LRRC4C: variants seen among roughly 807,000 people sequenced by gnomAD.
The protein encoded by LRRC4C is leucine-rich repeat-containing protein 4C.
Under a neutral mutation model 33.6 loss-of-function variants are expected in LRRC4C, and 5 were observed. That is an observed-to-expected ratio of 0.15 (90% CI 0.08 to 0.31). LRRC4C has a LOEUF of 0.31. Among genes scored for constraint, LRRC4C ranks in the 10% least tolerant of loss-of-function variants. The pLI is 1.00. For missense variants in LRRC4C, 560 were observed against 796.7 expected, an observed-to-expected ratio of 0.70 and a Z score of 3.58; for synonymous variants, 329 against 302.0, an observed-to-expected ratio of 1.09 and a Z score of -0.93.
chr11:40,349,044 A>G lies in LRRC4C; in HGVS notation c.-269-29323T>C, dbSNP rs1251886602. On this transcript the variant is annotated intron_variant, in intron 3 of 6. Coordinates refer to ENST00000528697, the MANE Select transcript of LRRC4C (RefSeq NM_001258419.2). ...TCATATCAGGGTAAATGGAGTATCC[A>G]TCACCTCAAGCATTTATTATTTTTT... Among the ~76,000 whole-genome samples, 10 of 152,352 alleles carry G rather than the reference A, an allele frequency of 6.6e-5. No individual in the cohort carries two copies. The East Asian group carries it at 1.2e-3, about 18-fold the overall frequency.
intron 1 of LRRC4C, among the ~76,000 whole-genome samples, chr11:41,015,841 A>G (rs1225013002): frequency 6.7e-6 from 1 of 149,770 alleles, no homozygotes; most frequent in African/African-American, 2.4e-5. Flanking sequence ...TAAAAACAAG[A>G]AAAAAAAAAT....
chr11:40,849,561 C>A (rs967253199), intron 2 of LRRC4C, among the ~76,000 whole-genome samples: 16 of 152,040 alleles, frequency 1.1e-4, no homozygotes, highest in African/African-American at 3.6e-4. Flanking sequence ...CTCTGGCTGC[C>A]CTTAACATTT....
At chr11:41,225,454 AT>A (rs1359657247) in intron 1 of LRRC4C, among the ~76,000 whole-genome samples, 2 of 152,142 alleles carry the variant, frequency 1.3e-5, no homozygotes, top group Non-Finnish European at 1.5e-5. Context: ...TTAGAAAAAA[AT>A]ATTTTAAAAA....
intron 1 of LRRC4C, among the ~76,000 whole-genome samples, chr11:40,989,886 A>C (rs1853384361): frequency 6.6e-6 from 1 of 152,066 alleles, no homozygotes; most frequent in Admixed American, 6.6e-5. Flanking sequence ...ATAAAAAATA[A>C]AAAAATGCAG....
At chr11:40,481,954 C>G (rs1030186887) in intron 3 of LRRC4C, among the ~76,000 whole-genome samples, 6 of 152,140 alleles carry the variant, frequency 3.9e-5, no homozygotes, top group South Asian at 2.1e-4. Context: ...TATTTACTAC[C>G]TGGTAGGGAT....
intron 5 of LRRC4C, among the ~76,000 whole-genome samples, chr11:40,154,931 C>T (rs766751559): frequency 6.6e-6 from 1 of 152,042 alleles, no homozygotes; most frequent in Non-Finnish European, 1.5e-5. Context: ...GGATCTTTCT[C>T]CAAGGTAGAC....
rs568786610 is a variant in LRRC4C at position 40,448,924 on chromosome 11, T to C, written c.-269-129203A>G. On this transcript the variant is annotated intron_variant, in intron 3 of 6. Transcript: ENST00000528697. Reference sequence around the variant, plus strand: ...CTTTAGCATCTGTTGTTTCCTGACATTTTAATGATCGCCATTCTAACTGGC... The same window carrying C: ...CTTTAGCATCTGTTGTTTCCTGACACTTTAATGATCGCCATTCTAACTGGC... 2.1e-3 allele frequency among the ~76,000 whole-genome samples: 321 copies of C among 152,360 alleles called. 1 individual carries two copies. The highest frequency in any genetic ancestry group is 7.4e-3 in the African/African-American group (308 of 41,590).
chr11:40,845,779 T>A (rs986606599), intron 2 of LRRC4C, among the ~76,000 whole-genome samples: 3 of 152,204 alleles, frequency 2.0e-5, no homozygotes, highest in African/African-American at 7.2e-5. Context: ...ATGGTTGAAC[T>A]AATTTACGCT....
chr11:40,503,145 G>T (rs888347115), intron 3 of LRRC4C, among the ~76,000 whole-genome samples: 1 of 152,102 alleles, frequency 6.6e-6, no homozygotes, highest in Non-Finnish European at 1.5e-5. Flanking sequence ...TAAACACACA[G>T]CTTCTGCTAC....
intron 1 of LRRC4C, among the ~76,000 whole-genome samples, chr11:41,090,612 G>A (rs1175028908): frequency 3.3e-5 from 5 of 152,028 alleles, no homozygotes; most frequent in Non-Finnish European, 7.4e-5. Context: ...GTGTTAAAAT[G>A]GTTTGGCTCT....
intron 1 of LRRC4C, among the ~76,000 whole-genome samples, chr11:40,935,735 A>T: frequency 6.6e-6 from 1 of 151,924 alleles, no homozygotes; most frequent in East Asian, 1.9e-4. Flanking sequence ...AAGAGAAATT[A>T]GTCTATTGGA....
chr11:40,921,862 T>C (rs536834398), intron 2 of LRRC4C, among the ~76,000 whole-genome samples: 28 of 152,262 alleles, frequency 1.8e-4, no homozygotes, highest in African/African-American at 6.0e-4. Context: ...GCATCAATGA[T>C]CTGAGGGGAA....
At chr11:41,005,935 G>A (rs1380242559) in intron 1 of LRRC4C, among the ~76,000 whole-genome samples, 1 of 151,936 alleles carries the variant, frequency 6.6e-6, no homozygotes, top group Admixed American at 6.6e-5. Flanking sequence ...AGTAGAGACT[G>A]GACTGTGAAA....
chr11:40,133,643 GC>G lies in LRRC4C; in HGVS notation c.-43+7157del, dbSNP rs540032182. 7.4e-4 allele frequency among the ~76,000 whole-genome samples: 113 copies of G among 152,256 alleles called. 1 individual carries two copies. Among genetic ancestry groups the G allele is most frequent in the Middle Eastern group, 6.8e-3 (2 of 294 alleles). ...CATTTGTAACAGGGTACTGAGACAAGCCCAGTATAAACAATAGTCATAAACC... is the reference window on the plus strand; with the variant it reads ...CATTTGTAACAGGGTACTGAGACAAGCCAGTATAAACAATAGTCATAAACC... On this transcript the variant is annotated intron_variant, in intron 6 of 6. Transcript: ENST00000528697.
chr11:41,160,107 A>G (rs1401822313), intron 1 of LRRC4C, among the ~76,000 whole-genome samples: 2 of 152,162 alleles, frequency 1.3e-5, no homozygotes, highest in African/African-American at 4.8e-5. Context: ...GAAGAAAAAT[A>G]AAGGTTGAGG....
intron 3 of LRRC4C, among the ~76,000 whole-genome samples, chr11:40,563,576 T>G (rs922591122): frequency 6.6e-6 from 1 of 152,154 alleles, no homozygotes; most frequent in African/African-American, 2.4e-5. Context: ...TCGGTATTAT[T>G]TCCTGCAATG....
At chr11:40,858,178 G>C (rs959501861) in intron 2 of LRRC4C, among the ~76,000 whole-genome samples, 2 of 152,150 alleles carry the variant, frequency 1.3e-5, no homozygotes, top group Admixed American at 1.3e-4. Flanking sequence ...GTCATACGTA[G>C]TTAGTAGATA....
At chr11:40,994,796 A>G (rs958735864) in intron 1 of LRRC4C, among the ~76,000 whole-genome samples, 9 of 118,842 alleles carry the variant, frequency 7.6e-5, no homozygotes, top group African/African-American at 2.8e-4. Flanking sequence ...TCTCTTTAAG[A>G]TTTCTCTCTC....
chr11:41,092,929 T>G (rs1328474244), intron 1 of LRRC4C, among the ~76,000 whole-genome samples: 1 of 152,236 alleles, frequency 6.6e-6, no homozygotes, highest in African/African-American at 2.4e-5. Flanking sequence ...AAATGAGCAG[T>G]ATGACTGGAA....
Sources: gnomAD v4.1 joint callset for allele counts (sites outside exome capture counted in the v4.1 genomes callset) on GRCh38, gnomAD v4.1.1 for gene constraint, MANE v1.5 for transcripts, NCBI Gene and HGNC (gene_info 2026-07-23, HGNC 2026-07-21) for gene names.